PLSCR2: variants seen among roughly 807,000 people sequenced by gnomAD.
The protein encoded by PLSCR2 is phospholipid scramblase 2, also known as PL scramblase 2.
A neutral mutation model predicts 25.3 loss-of-function variants in PLSCR2; 18 were observed. That is an observed-to-expected ratio of 0.71 (90% CI 0.49 to 1.06). PLSCR2 has a LOEUF of 1.06. PLSCR2 is among the 50% of genes least tolerant of loss of function. The probability of loss-of-function intolerance (pLI) is 0.00; values close to 1 mark genes in which losing one functional copy is unlikely to be tolerated. For synonymous variants in PLSCR2, 88 were observed against 87.3 expected, an observed-to-expected ratio of 1.01 and a Z score of -0.04; for missense variants, 243 against 269.5, an observed-to-expected ratio of 0.90 and a Z score of 0.69.
At chr3:146,479,571 G>C (rs749828302) in intron 1 of PLSCR2, among the ~76,000 whole-genome samples, 3 of 151,550 alleles carry the variant, frequency 2.0e-5, no homozygotes, top group Non-Finnish European at 4.4e-5. Context: ...ACCCAGTACA[G>C]GAGCATTCAT....
intron 3 of PLSCR2, among the ~76,000 whole-genome samples, chr3:146,391,783 G>A (rs899640393): frequency 2.0e-5 from 3 of 152,000 alleles, no homozygotes; most frequent in Non-Finnish European, 4.4e-5. Flanking sequence ...TAATAGATTT[G>A]TACATCTCTA....
At chr3:146,477,506 C>T (rs978544595) in intron 1 of PLSCR2, among the ~76,000 whole-genome samples, 5 of 152,246 alleles carry the variant, frequency 3.3e-5, no homozygotes, top group Non-Finnish European at 7.3e-5. Context: ...TGAGATTGAC[C>T]TGCGAGGCAG....
downstream of PLSCR2, among the ~76,000 whole-genome samples, chr3:146,437,862 T>C (rs924897848): frequency 2.6e-5 from 4 of 152,230 alleles, no homozygotes; most frequent in African/African-American, 9.6e-5. Flanking sequence ...TTAATTGTGA[T>C]GTTAGGGTGT....
intron 5 of PLSCR2, among the ~76,000 whole-genome samples, chr3:146,451,032 A>G (rs1023386955): frequency 6.6e-6 from 1 of 151,578 alleles, no homozygotes; most frequent in Non-Finnish European, 1.5e-5. Context: ...ACAAAAAAAT[A>G]TGGTAAAATT....
At chr3:146,392,819 A>T (rs1576545137) in intron 3 of PLSCR2, among the ~76,000 whole-genome samples, 1 of 143,050 alleles carries the variant, frequency 7.0e-6, no homozygotes, top group Non-Finnish European at 1.5e-5. Flanking sequence ...ATGGTTCAAT[A>T]TCTCCTTCAT....
At chr3:146,441,349 A>G (rs1182339215), downstream of PLSCR2, among the ~76,000 whole-genome samples, 2 of 152,050 alleles carry the variant, frequency 1.3e-5, no homozygotes, top group Non-Finnish European at 1.5e-5. Flanking sequence ...GTATTTGCAT[A>G]TTAATTTTTA....
intron 2 of PLSCR2, among the ~76,000 whole-genome samples, chr3:146,420,157 A>G (rs1231545522): frequency 1.3e-5 from 2 of 152,048 alleles, no homozygotes; most frequent in Non-Finnish European, 2.9e-5. Flanking sequence ...TAATTTTCCA[A>G]GTTCTGAAGA....
At chr3:146,414,811 C>T (rs2038959274) in intron 2 of PLSCR2, among the ~76,000 whole-genome samples, 1 of 152,192 alleles carries the variant, frequency 6.6e-6, no homozygotes, top group African/African-American at 2.4e-5. Flanking sequence ...TATTGCTTCT[C>T]TGAAATACCT....
At chr3:146,469,055 G>C in intron 1 of PLSCR2, 3 of 862,210 alleles carry the variant, frequency 3.5e-6, no homozygotes, top group Non-Finnish European at 4.2e-6. Context: ...TGGTATTGTA[G>C]AGGGCCTAGC....
intron 1 of PLSCR2, among the ~76,000 whole-genome samples, chr3:146,493,782 C>CA (rs1560066124): frequency 2.3e-4 from 12 of 51,944 alleles, no homozygotes; most frequent in African/African-American, 8.0e-4. Flanking sequence ...TCCAAGGTGG[C>CA]GTTTTTTTTT....
At chr3:146,430,747 T>C (rs184042947), downstream of PLSCR2, among the ~76,000 whole-genome samples, 2 of 151,836 alleles carry the variant, frequency 1.3e-5, no homozygotes, top group African/African-American at 4.8e-5. Context: ...ACACTTTCAC[T>C]TCCCCCCACC....
At chr3:146,480,863 C>A (rs2043105742) in intron 1 of PLSCR2, among the ~76,000 whole-genome samples, 1 of 151,932 alleles carries the variant, frequency 6.6e-6, no homozygotes, top group African/African-American at 2.4e-5. Flanking sequence ...AATCCAGCAG[C>A]ACATCAAAAA....
At chr3:146,412,395 A>G (rs1372653378) in intron 2 of PLSCR2, among the ~76,000 whole-genome samples, 1 of 152,036 alleles carries the variant, frequency 6.6e-6, no homozygotes, top group Non-Finnish European at 1.5e-5. Flanking sequence ...GGAAGCTTCC[A>G]TGGCTCCACA....
At chr3:146,449,101 C>G in intron 6 of PLSCR2, 105 bp downstream of exon 6, 1 of 859,046 alleles carries the variant, frequency 1.2e-6, no homozygotes. Flanking sequence ...TTTTATAAAA[C>G]CTTTACACTT....
rs1318145652 is a variant in PLSCR2 at position 146,416,849 on chromosome 3, A to G, written c.101-20928T>C. On this transcript the variant is annotated intron_variant and NMD_transcript_variant, in intron 2 of 3. Transcript: ENST00000463633. Reference sequence around the variant, plus strand: ...AATTTTAGGAGTACAAGTACTAGTTAATACAGTCATGATAAACTGAGTGCA... The same window carrying G: ...AATTTTAGGAGTACAAGTACTAGTTGATACAGTCATGATAAACTGAGTGCA... Among the ~76,000 whole-genome samples, 4 of 152,234 alleles carry G rather than the reference A, an allele frequency of 2.6e-5. No individual in the cohort carries two copies. The East Asian group carries it at 7.7e-4, about 29-fold the overall frequency.
chr3:146,467,131 C>T (rs2108469333), intron 1 of PLSCR2, among the ~76,000 whole-genome samples: 1 of 152,218 alleles, frequency 6.6e-6, no homozygotes, highest in African/African-American at 2.4e-5. Flanking sequence ...CATATGTGTA[C>T]ATACATATAT....
intron 2 of PLSCR2, among the ~76,000 whole-genome samples, chr3:146,419,073 T>G (rs1392147341): frequency 1.3e-5 from 2 of 152,248 alleles, no homozygotes; most frequent in Middle Eastern, 3.4e-3. Context: ...CATCAAGTCC[T>G]GATTCCTTTT....
At chr3:146,410,970 G>T (rs996781026) in intron 2 of PLSCR2, among the ~76,000 whole-genome samples, 3 of 152,094 alleles carry the variant, frequency 2.0e-5, no homozygotes, top group Non-Finnish European at 4.4e-5. Context: ...TGCAGGTGAC[G>T]GCCCATTCGA....
At chr3:146,493,628 AC>A (rs2043632649) in intron 1 of PLSCR2, among the ~76,000 whole-genome samples, 1 of 152,132 alleles carries the variant, frequency 6.6e-6, no homozygotes, top group Non-Finnish European at 1.5e-5. Flanking sequence ...GAAAGAATAT[AC>A]CTCAAAATAA....
Sources: gnomAD v4.1 joint callset for allele counts (sites outside exome capture counted in the v4.1 genomes callset) on GRCh38, gnomAD v4.1.1 for gene constraint, MANE v1.5 for transcripts, NCBI Gene and HGNC (gene_info 2026-07-23, HGNC 2026-07-21) for gene names.